The following EFHC2 variants were observed in gnomAD, a reference collection of about 807,000 sequenced individuals.
The protein encoded by EFHC2 is EF-hand domain-containing family member C2.
A neutral mutation model predicts 52.7 loss-of-function variants in EFHC2; 18 were observed. That is an observed-to-expected ratio of 0.34 (90% CI 0.24 to 0.51). The LOEUF is 0.51. Among genes scored for constraint, EFHC2 ranks in the 20% least tolerant of loss-of-function variants. The probability of loss-of-function intolerance (pLI) is 0.97; values close to 1 mark genes in which losing one functional copy is unlikely to be tolerated. For synonymous variants in EFHC2, 203 were observed against 204.1 expected (o/e 0.99, Z 0.04); for missense variants, 513 against 562.5 (o/e 0.91, Z 0.89).
intron 11 of EFHC2, among the ~76,000 whole-genome samples, chrX:44,185,064 T>C (rs1399676975): frequency 4.5e-5 from 5 of 112,337 alleles, no homozygotes; most frequent in Non-Finnish European, 9.4e-5. Flanking sequence ...CCTTGAACTA[T>C]GAATGCTCAA....
At chrX:44,329,845 A>G (rs749237943) in intron 1 of EFHC2, among the ~76,000 whole-genome samples, 1 of 109,477 alleles carries the variant, frequency 9.1e-6, no homozygotes, top group African/African-American at 3.3e-5. Context: ...GCCTCAAGCA[A>G]TCCTCCCACC....
chrX:44,240,749 T>C (rs1245814852), intron 8 of EFHC2, among the ~76,000 whole-genome samples: 1 of 111,018 alleles, frequency 9.0e-6, no homozygotes, highest in Admixed American at 9.6e-5. Context: ...AAATTCAGAA[T>C]GTTGGGCCCC....
chrX:44,192,558 C>T (rs5953287), intron 11 of EFHC2, among the ~76,000 whole-genome samples: 1,162 of 111,991 alleles, frequency 0.01, 16 homozygotes, highest in African/African-American at 0.035. Context: ...AAATACTTTA[C>T]TTAGCTTAGA....
intron 11 of EFHC2, among the ~76,000 whole-genome samples, chrX:44,226,272 G>T (rs1343969349): frequency 9.0e-6 from 1 of 111,619 alleles, no homozygotes; most frequent in East Asian, 2.8e-4. Flanking sequence ...GCTCTCCAGA[G>T]GGTCCAAGTA....
intron 2 of EFHC2, among the ~76,000 whole-genome samples, chrX:44,292,155 T>C (rs2037796892): frequency 9.0e-6 from 1 of 111,629 alleles, no homozygotes; most frequent in East Asian, 2.8e-4. Flanking sequence ...TGTGTGTATA[T>C]ATATACATAT....
chrX:44,178,129 T>TCACACACACA (rs201977577), intron 12 of EFHC2, among the ~76,000 whole-genome samples: 4,560 of 83,838 alleles, frequency 0.054, 169 homozygotes, highest in African/African-American at 0.1. Context: ...AGATGCCATA[T>TCACACACACA]CACACACACA....
chrX:44,185,764 T>C lies in EFHC2; in HGVS notation c.1752-7200A>G, dbSNP rs950716262. On this transcript the variant is annotated intron_variant, in intron 11 of 14. Transcript: ENST00000420999. ...TGTTGCCCAGGTTGGTCTCCTAGGC[T>C]CAAGTGATCCTCTCACTTTGGCCTC... Among the ~76,000 whole-genome samples the C allele has an allele frequency of 3.6e-5, 4 of 111,153 alleles. No homozygotes were observed. In the Admixed American group the frequency reaches 3.8e-4, roughly 11 times the overall value.
chrX:44,282,387 T>C (rs1316059737), intron 2 of EFHC2, among the ~76,000 whole-genome samples: 2 of 100,019 alleles, frequency 2.0e-5, no homozygotes, highest in African/African-American at 7.4e-5. Flanking sequence ...GTGGAACACC[T>C]GAGATTAGGA....
At chrX:44,312,025 A>G (rs751069808) in intron 2 of EFHC2, among the ~76,000 whole-genome samples, 1 of 112,493 alleles carries the variant, frequency 8.9e-6, no homozygotes, top group East Asian at 2.8e-4. Flanking sequence ...GGCATTCTGC[A>G]ACCAATGTGC....
chrX:44,302,455 G>A (rs1267167256), intron 2 of EFHC2, among the ~76,000 whole-genome samples: 1 of 111,835 alleles, frequency 8.9e-6, no homozygotes, highest in Non-Finnish European at 1.9e-5. Flanking sequence ...TTCCAGACTT[G>A]GGGATTATTT....
chrX:44,254,538 C>G (rs892301995), intron 4 of EFHC2, among the ~76,000 whole-genome samples: 1 of 111,576 alleles, frequency 9.0e-6, no homozygotes, highest in Non-Finnish European at 1.9e-5. Flanking sequence ...GGAAGATCAA[C>G]TTAATGAAAT....
At chrX:44,339,191 C>A (rs867741316) in intron 1 of EFHC2, among the ~76,000 whole-genome samples, 53 of 90,283 alleles carry the variant, frequency 5.9e-4, no homozygotes, top group African/African-American at 7.1e-4. Flanking sequence ...ACTCCATCTC[C>A]AAAAAAAAAA....
chrX:44,283,455 T>G (rs886960957), intron 2 of EFHC2, among the ~76,000 whole-genome samples: 1 of 111,396 alleles, frequency 9.0e-6, no homozygotes, highest in African/African-American at 3.3e-5. Flanking sequence ...GTGCTGGGAT[T>G]ACAGGCGTAA....
At chrX:44,276,108 A>G (rs1021270589) in intron 2 of EFHC2, among the ~76,000 whole-genome samples, 7 of 110,732 alleles carry the variant, frequency 6.3e-5, no homozygotes, top group African/African-American at 2.0e-4. Flanking sequence ...TGGAATTTTA[A>G]TCTTAGCCTA....
intron 8 of EFHC2, 149 bp downstream of exon 8, chrX:44,241,972 T>C (rs1251497217): frequency 1.9e-6 from 1 of 526,298 alleles, no homozygotes; most frequent in East Asian, 4.1e-5. Flanking sequence ...ACGTGCATGT[T>C]AATCAACCTC....
chrX:44,340,481 G>A (rs1027236625), intron 1 of EFHC2, among the ~76,000 whole-genome samples: 3 of 109,166 alleles, frequency 2.7e-5, no homozygotes, highest in African/African-American at 6.7e-5. Flanking sequence ...GTGAAACCCC[G>A]TCTCTACTAA....
Position 44,148,845 on chromosome X carries a change from T to C in EFHC2, c.2200A>G (p.Ile734Val), listed in dbSNP as rs2036545945. The C allele has an allele frequency of 6.7e-6, 8 of 1,187,969 alleles. No individual in the cohort carries two copies. The highest frequency in any genetic ancestry group is 9.1e-6 in the Non-Finnish European group (8 of 882,798). The change falls in exon 15 of 15, where the codon ATT (isoleucine) becomes GTT (valine). Residue 734 changes from isoleucine (I) to valine (V), a missense_variant. Ile to Val is a conservative substitution (Grantham distance 29, BLOSUM62 3). Coordinates refer to ENST00000420999, the MANE Select transcript of EFHC2 (RefSeq NM_025184.4). ...GMPSPIPAKY[I>V]DYWTFLKDAF... ...TCCTTCAAAAAGGTCCAGTAGTCAA[T>C]GTATTTCGCAGGAATAGGTGATGGC...
At chrX:44,154,153 A>G (rs1364529127) in intron 14 of EFHC2, among the ~76,000 whole-genome samples, 1 of 111,611 alleles carries the variant, frequency 9.0e-6, no homozygotes, top group Non-Finnish European at 1.9e-5. Context: ...CATTCTTTCC[A>G]CTCTGGAGCA....
At chrX:44,310,092 T>C in intron 2 of EFHC2, 2 of 726,683 alleles carry the variant, frequency 2.8e-6, no homozygotes, top group Non-Finnish European at 4.4e-6. Context: ...AACCAGAACA[T>C]GGGATATAAA....
Sources: allele counts gnomAD v4.1 joint callset (sites outside exome capture counted in the v4.1 genomes callset), GRCh38; gene constraint gnomAD v4.1.1; transcripts MANE v1.5; gene names NCBI Gene and HGNC (gene_info 2026-07-23, HGNC 2026-07-21).